Variants in GPR176 observed in about 807,000 individuals in gnomAD.
GPR176 encodes G protein-coupled receptor 176, also known as G-protein coupled receptor 176.
Under a neutral mutation model 35.4 loss-of-function variants are expected in GPR176, and 26 were observed. The ratio of observed to expected loss-of-function variants is 0.74; its 90% CI spans 0.54 to 1.02. GPR176 has a LOEUF of 1.02. GPR176 is among the 50% of genes least tolerant of loss of function. The probability of loss-of-function intolerance (pLI) is 0.00; values close to 1 mark genes in which losing one functional copy is unlikely to be tolerated. For synonymous variants in GPR176, 278 were observed against 271.3 expected, an observed-to-expected ratio of 1.02 and a Z score of -0.24; for missense variants, 597 against 665.3, an observed-to-expected ratio of 0.90 and a Z score of 1.13.
chr15:39,812,042 A>G (rs1161677077), intron 1 of GPR176, among the ~76,000 whole-genome samples: 2 of 152,062 alleles, frequency 1.3e-5, no homozygotes, highest in Non-Finnish European at 2.9e-5. Flanking sequence ...GATTATTTAT[A>G]CTTCTTTTAC....
chr15:39,913,613 A>G (rs1219628541), intron 1 of GPR176, among the ~76,000 whole-genome samples: 1 of 152,164 alleles, frequency 6.6e-6, no homozygotes, highest in Non-Finnish European at 1.5e-5. Context: ...CTAGGGCTCA[A>G]GGTATTGAGG....
chr15:39,835,207 A>AC (rs1901321226), intron 1 of GPR176, among the ~76,000 whole-genome samples: 1 of 151,614 alleles, frequency 6.6e-6, no homozygotes, highest in African/African-American at 2.4e-5. Context: ...TTTAGTAGAG[A>AC]TGGGGTTTCT....
rs559792915 is a variant in GPR176 at position 39,811,878 on chromosome 15, T to C, written c.173-4620A>G. Among the ~76,000 whole-genome samples the C allele has an allele frequency of 3.7e-3, 563 of 150,366 alleles. 3 individuals are homozygous for C. Among genetic ancestry groups the C allele is most frequent in the African/African-American group, 0.013 (526 of 40,758 alleles). ...TTGCAGTGAGCCGAGATTGCGCCAT[T>C]GCACTCCAGCCTGGGTGACAGAGCG... On this transcript the variant is annotated intron_variant, in intron 1 of 2. Transcript: ENST00000561100.
intron 1 of GPR176, among the ~76,000 whole-genome samples, chr15:39,912,735 T>C (rs576406418): frequency 2.0e-5 from 3 of 152,300 alleles, no homozygotes; most frequent in South Asian, 2.1e-4. Context: ...CAGAAATTGT[T>C]TGGCAAACTC....
At chr15:39,839,261 C>G (rs551519777) in intron 1 of GPR176, among the ~76,000 whole-genome samples, 3 of 152,300 alleles carry the variant, frequency 2.0e-5, no homozygotes, top group East Asian at 3.9e-4. Flanking sequence ...GTAACCAAAA[C>G]AGCTTGGTAC....
intron 1 of GPR176, among the ~76,000 whole-genome samples, chr15:39,905,635 C>A (rs1228935227): frequency 6.6e-6 from 1 of 152,056 alleles, no homozygotes; most frequent in Non-Finnish European, 1.5e-5. Flanking sequence ...TAAAAAGGAA[C>A]AAACTGTTGA....
At chr15:39,812,759 T>G (rs1899657200) in intron 1 of GPR176, among the ~76,000 whole-genome samples, 1 of 141,404 alleles carries the variant, frequency 7.1e-6, no homozygotes, top group Non-Finnish European at 1.6e-5. Context: ...TTTTTTTTTT[T>G]GAGACAGGGT....
At position 39,824,418 on chromosome 15, in the gene GPR176, G is replaced by A. The variant is rs1006282824; in HGVS notation, c.173-17160C>T. Among the ~76,000 whole-genome samples the A allele has an allele frequency of 5.9e-5, 9 of 152,236 alleles. No individual in the cohort carries two copies. In the East Asian group the frequency reaches 1.5e-3, roughly 26 times the overall value. On this transcript the variant is annotated intron_variant, in intron 1 of 2. Coordinates refer to ENST00000561100, the MANE Select transcript of GPR176 (RefSeq NM_007223.3). Reference sequence around the variant, plus strand: ...CTCACTAAGTTTACCTCACTTTTTAGGTCTTCTTCCAAGAAACCCTCCCTC... The same window carrying A: ...CTCACTAAGTTTACCTCACTTTTTAAGTCTTCTTCCAAGAAACCCTCCCTC...
At chr15:39,892,856 T>G (rs553237900) in intron 1 of GPR176, among the ~76,000 whole-genome samples, 1 of 152,374 alleles carries the variant, frequency 6.6e-6, no homozygotes, top group South Asian at 2.1e-4. Flanking sequence ...TCTGCTGTTT[T>G]AAGCCATTTG....
chr15:39,906,381 AC>A (rs1289566733), intron 1 of GPR176, among the ~76,000 whole-genome samples: 2 of 152,072 alleles, frequency 1.3e-5, no homozygotes, highest in East Asian at 3.8e-4. Flanking sequence ...GATCCTACAC[AC>A]CTAATAGCCA....
chr15:39,859,505 C>A lies in GPR176; in HGVS notation c.173-52247G>T, dbSNP rs200513463. ...ATGGCCACTGTGAAAAAAAAAAAAACAAAACAAAAATAAAGTATTGGCAAG... is the reference window on the plus strand; with the variant it reads ...ATGGCCACTGTGAAAAAAAAAAAAAAAAAACAAAAATAAAGTATTGGCAAG... On this transcript the variant is annotated intron_variant, in intron 1 of 2. Transcript: ENST00000561100. Among the ~76,000 whole-genome samples, 577 of 127,296 alleles carry A rather than the reference C, an allele frequency of 4.5e-3. 6 individuals carry two copies. The highest frequency in any genetic ancestry group is 0.015 in the East Asian group (64 of 4,234). The allele number at this position is 127,296 out of a possible 152,430, so 83.5% of individuals were successfully genotyped here.
chr15:39,856,124 C>T (rs1225627350), intron 1 of GPR176, among the ~76,000 whole-genome samples: 2 of 152,192 alleles, frequency 1.3e-5, no homozygotes, highest in African/African-American at 4.8e-5. Context: ...CTCTGGTCAA[C>T]ATCTGGACAT....
At chr15:39,837,659 G>A (rs761303240) in intron 1 of GPR176, among the ~76,000 whole-genome samples, 9 of 151,998 alleles carry the variant, frequency 5.9e-5, no homozygotes, top group African/African-American at 1.2e-4. Context: ...CATTTATTGC[G>A]CAATAATTAC....
intron 1 of GPR176, chr15:39,813,198 T>C (rs1174849793): frequency 6.6e-6 from 1 of 152,228 alleles, no homozygotes; most frequent in Non-Finnish European, 1.5e-5. Context: ...TTTAGAGTAA[T>C]TAAAAATAAG....
At chr15:39,875,675 A>G (rs1171331492) in intron 1 of GPR176, among the ~76,000 whole-genome samples, 2 of 152,196 alleles carry the variant, frequency 1.3e-5, no homozygotes, top group Non-Finnish European at 2.9e-5. Flanking sequence ...CATGTAGGAA[A>G]TGGGGTTTTA....
At chr15:39,872,851 T>C (rs1320108314) in intron 1 of GPR176, among the ~76,000 whole-genome samples, 2 of 151,692 alleles carry the variant, frequency 1.3e-5, no homozygotes, top group African/African-American at 4.8e-5. Flanking sequence ...AAGCCTCACC[T>C]CCAGCATTGA....
At chr15:39,864,231 A>AT (rs1385441849) in intron 1 of GPR176, among the ~76,000 whole-genome samples, 3 of 152,246 alleles carry the variant, frequency 2.0e-5, no homozygotes, top group Admixed American at 2.0e-4. Context: ...GAACTAACAA[A>AT]TGTTTGTTTC....
intron 1 of GPR176, among the ~76,000 whole-genome samples, chr15:39,913,049 A>G (rs1255489172): frequency 5.9e-5 from 9 of 152,240 alleles, no homozygotes; most frequent in Non-Finnish European, 1.2e-4. Flanking sequence ...AAAAGTAGAA[A>G]CAACCCAAAT....
At position 39,801,051 on chromosome 15, in the gene GPR176, A is replaced by G. The variant is rs1898810896; in HGVS notation, c.*81T>C. ...TCACACTGAGTTGCAAGGAGATCAT[A>G]CAATCACATGGCCACAGCATTCCCA... On this transcript the variant is annotated 3_prime_UTR_variant, in exon 3 of 3. Coordinates refer to ENST00000561100, the MANE Select transcript of GPR176 (RefSeq NM_007223.3). The G allele has an allele frequency of 4.1e-6, 5 of 1,220,832 alleles. No individual in the cohort carries two copies. The Admixed American group carries it at 8.8e-5, about 22-fold the overall frequency. 75.6% of individuals were successfully genotyped at this position (1,220,832 alleles called of 1,614,324 possible). A position where few individuals can be genotyped will look rare whatever the true frequency, so the allele number is the denominator to read the frequency against.
Sources: gnomAD v4.1 joint callset for allele counts (sites outside exome capture counted in the v4.1 genomes callset) on GRCh38, gnomAD v4.1.1 for gene constraint, MANE v1.5 for transcripts, NCBI Gene and HGNC (gene_info 2026-07-23, HGNC 2026-07-21) for gene names.